Variants in PBRM1 observed in about 807,000 individuals in gnomAD.
PBRM1 encodes protein polybromo-1.
In PBRM1, 27 loss-of-function variants were observed where a neutral mutation model predicts 194.5. The ratio of observed to expected loss-of-function variants is 0.14; its 90% confidence interval spans 0.10 to 0.19. The LOEUF (loss-of-function observed/expected upper bound fraction) is 0.19, where lower values mean the gene tolerates loss of function less well. PBRM1 is among the 10% of genes least tolerant of loss of function. The probability of loss-of-function intolerance (pLI) is 1.00; values close to 1 mark genes in which losing one functional copy is unlikely to be tolerated. For synonymous variants in PBRM1, 655 were observed against 693.2 expected (o/e 0.94, Z 0.87); for missense variants, 1,466 against 2,077.2 (o/e 0.71, Z 5.72).
At position 52,563,176 on chromosome 3, in the gene PBRM1, G is replaced by C. The variant is rs1293759520; in HGVS notation, c.4086+107C>G. The C allele has an allele frequency of 5.8e-6, 4 of 688,346 alleles. No homozygotes were observed. In the African/African-American group the frequency reaches 7.1e-5, roughly 12 times the overall value. The allele number at this position is 688,346 out of a possible 1,614,324, so 42.6% of individuals were successfully genotyped here. ...TCTGTTCCTTCCTGCAGAATTCTAA[G>C]TTAAAGCTCACATATGGAGGGGCTG... On this transcript the variant is annotated intron_variant, in intron 24 of 29. Transcript: ENST00000296302.
upstream of PBRM1, among the ~76,000 whole-genome samples, chr3:52,682,720 T>A (rs374649428): frequency 6.6e-6 from 1 of 152,168 alleles, no homozygotes; most frequent in African/African-American, 2.4e-5. Context: ...GATTATCAGC[T>A]TGATGTTGTC....
chr3:52,607,454 G>C (rs1279091768), intron 16 of PBRM1, among the ~76,000 whole-genome samples: 1 of 152,060 alleles, frequency 6.6e-6, no homozygotes, highest in Admixed American at 6.6e-5. Context: ...AATGAAAAGA[G>C]CTAATTTCCT....
chr3:52,588,217 G>A (rs2092643721), intron 18 of PBRM1, among the ~76,000 whole-genome samples: 1 of 152,152 alleles, frequency 6.6e-6, no homozygotes, highest in Admixed American at 6.5e-5. Flanking sequence ...AGTATTTCAT[G>A]TGATAGGCAG....
intron 5 of PBRM1, among the ~76,000 whole-genome samples, chr3:52,655,715 C>G (rs1265109291): frequency 6.6e-6 from 1 of 152,158 alleles, no homozygotes; most frequent in Non-Finnish European, 1.5e-5. Context: ...TAGTAAGATT[C>G]ACACATAGGA....
chr3:52,594,074 G>A (rs2093350957), intron 17 of PBRM1, among the ~76,000 whole-genome samples: 1 of 152,046 alleles, frequency 6.6e-6, no homozygotes, highest in Non-Finnish European at 1.5e-5. Context: ...ATGAGGTGAG[G>A]TCCTGCTGTG....
At chr3:52,643,509 C>T (rs1054608301) in intron 8 of PBRM1, among the ~76,000 whole-genome samples, 166 bp from the exon 10 acceptor site, 4 of 152,164 alleles carry the variant, frequency 2.6e-5, no homozygotes, top group Non-Finnish European at 2.9e-5. Flanking sequence ...GGGGACTCTG[C>T]GGGGAAGAAC....
At chr3:52,617,953 A>G (rs1042086515) in intron 13 of PBRM1, among the ~76,000 whole-genome samples, 2 of 152,322 alleles carry the variant, frequency 1.3e-5, no homozygotes, top group South Asian at 2.1e-4. Flanking sequence ...AAGTACAAAA[A>G]CAAAACAAAA....
intron 3 of PBRM1, among the ~76,000 whole-genome samples, chr3:52,664,520 G>A (rs1412218844): frequency 6.6e-6 from 1 of 151,582 alleles, no homozygotes; most frequent in Non-Finnish European, 1.5e-5. Flanking sequence ...TGGATCACCT[G>A]AGGTCGGGAG....
chr3:52,658,496 G>C (rs1348147851), intron 4 of PBRM1, among the ~76,000 whole-genome samples, 181 bp from the exon 6 acceptor site: 2 of 151,366 alleles, frequency 1.3e-5, no homozygotes, highest in African/African-American at 2.4e-5. Context: ...CTGGGTTTAA[G>C]TAATTCTCCT....
chr3:52,679,797 G>T, upstream of PBRM1: 1 of 1,166,618 alleles, frequency 8.6e-7, no homozygotes, highest in Non-Finnish European at 1.2e-6. Context: ...CTGGACACCT[G>T]CTACCAAACT....
At position 52,642,060 on chromosome 3, in the gene PBRM1, A is replaced by G. The variant is rs749394307; in HGVS notation, c.996-15T>C. The G allele has an allele frequency of 1.5e-6, 2 of 1,351,198 alleles. No individual in the cohort carries two copies. The highest frequency in any genetic ancestry group is 2.4e-5 in the South Asian group (2 of 85,026). The allele number at this position is 1,351,198 out of a possible 1,614,324, so 83.7% of individuals were successfully genotyped here. The stretch of plus-strand genomic sequence containing the variant: ...CTCTTTTATTACTACAAAAAAAAAA[A>G]AAGCAATTAGACAGGGAAGGATGTT... On this transcript the variant is annotated splice_polypyrimidine_tract_variant and intron_variant, in intron 9 of 29. Transcript: ENST00000296302.
Position 52,558,892 on chromosome 3 carries a change from AG to A in PBRM1, c.4289-480del, listed in dbSNP as rs561733242. ...TTGTACCCAATTTTACTAAGATTTG[AG>A]GACTCATCACGAGTGTCATGGAGTT... On this transcript the variant is annotated intron_variant, in intron 25 of 29. Transcript: ENST00000296302. Among the ~76,000 whole-genome samples the A allele has an allele frequency of 4.0e-3, 613 of 152,324 alleles. 3 individuals are homozygous for A. Among genetic ancestry groups the A allele is most frequent in the South Asian group, 0.023 (110 of 4,828 alleles).
intron 5 of PBRM1, among the ~76,000 whole-genome samples, chr3:52,657,410 G>A (rs1283869002): frequency 6.6e-6 from 1 of 152,066 alleles, no homozygotes; most frequent in Non-Finnish European, 1.5e-5. Flanking sequence ...TAAAATGATA[G>A]ACCGTATACA....
chr3:52,627,498 G>C, intron 12 of PBRM1, 128 bp from the exon 14 acceptor site: 1 of 597,244 alleles, frequency 1.7e-6, no homozygotes, highest in South Asian at 2.2e-5. Flanking sequence ...TGTACAAAAT[G>C]AAAGAGTCAT....
intron 27 of PBRM1, chr3:52,552,050 A>C (rs1029230260): frequency 1.3e-5 from 2 of 152,218 alleles, no homozygotes; most frequent in Non-Finnish European, 2.9e-5. Flanking sequence ...AGGGAGTTTT[A>C]TATTCCAAGT....
downstream of PBRM1, chr3:52,545,966 T>TA (rs1010285323): frequency 1.7e-5 from 4 of 232,698 alleles, no homozygotes; most frequent in Non-Finnish European, 2.5e-5. Flanking sequence ...ACAGGCTTTT[T>TA]AAAAAAAACT....
At chr3:52,595,981 C>G (rs1268703089) in intron 17 of PBRM1, among the ~76,000 whole-genome samples, 2 of 152,170 alleles carry the variant, frequency 1.3e-5, no homozygotes, top group Non-Finnish European at 2.9e-5. Context: ...GGGTTCTCTA[C>G]TCTTTTCCAT....
chr3:52,574,202 T>C (rs1402706999), intron 22 of PBRM1, among the ~76,000 whole-genome samples: 1 of 152,236 alleles, frequency 6.6e-6, no homozygotes, highest in East Asian at 1.9e-4. Flanking sequence ...AAGGGCTTTC[T>C]TGCTATGTCA....
intron 11 of PBRM1, among the ~76,000 whole-genome samples, chr3:52,631,538 C>G (rs2095618904): frequency 6.6e-6 from 1 of 152,016 alleles, no homozygotes; most frequent in Non-Finnish European, 1.5e-5. Flanking sequence ...TTACTTCTTT[C>G]TTTTTGTTGA....
Sources: allele counts gnomAD v4.1 joint callset (sites outside exome capture counted in the v4.1 genomes callset), GRCh38; gene constraint gnomAD v4.1.1; transcripts MANE v1.5; gene names NCBI Gene and HGNC (gene_info 2026-07-23, HGNC 2026-07-21).